NR3C1: variants seen among roughly 807,000 people sequenced by gnomAD.
NR3C1 encodes the protein nuclear receptor subfamily 3 group C member 1, also known as glucocorticoid receptor.
Under a neutral mutation model 74.0 loss-of-function variants are expected in NR3C1, and 14 were observed. That is an observed-to-expected ratio of 0.19 (90% CI 0.12 to 0.30). NR3C1 has a LOEUF of 0.30. NR3C1 is among the 10% of genes least tolerant of loss of function. The pLI, the probability that NR3C1 is intolerant of heterozygous loss-of-function variation, is 1.00. For missense variants in NR3C1, 695 were observed against 909.8 expected (o/e 0.76, Z 3.04); for synonymous variants, 308 against 332.5 (o/e 0.93, Z 0.80).
intron 4 of NR3C1, among the ~76,000 whole-genome samples, chr5:143,304,479 A>G (rs2151575343): frequency 6.6e-6 from 1 of 152,304 alleles, no homozygotes; most frequent in South Asian, 2.1e-4. Flanking sequence ...AAATGGTCAT[A>G]CTACCCAAAG....
intron 1 of NR3C1, among the ~76,000 whole-genome samples, chr5:143,426,495 C>T (rs1048418521): frequency 6.6e-6 from 1 of 152,044 alleles, no homozygotes; most frequent in Non-Finnish European, 1.5e-5. Flanking sequence ...ACGAGTTATG[C>T]CATTAATATT....
intron 2 of NR3C1, among the ~76,000 whole-genome samples, chr5:143,381,549 C>T (rs1291467191): frequency 6.6e-6 from 1 of 152,082 alleles, no homozygotes; most frequent in Non-Finnish European, 1.5e-5. Context: ...AATTATGCTA[C>T]AAAACTATAA....
intron 7 of NR3C1, among the ~76,000 whole-genome samples, chr5:143,286,641 G>C (rs10482697): frequency 6.6e-6 from 1 of 151,928 alleles, no homozygotes; most frequent in Non-Finnish European, 1.5e-5. Flanking sequence ...CTAGGATAGC[G>C]ATAATAAAAA....
At position 143,400,748 on chromosome 5, in the gene NR3C1, T is replaced by C. The variant is rs943559773; in HGVS notation, c.92A>G (p.Lys31Arg). 3 of 1,614,078 alleles carry C rather than the reference T, an allele frequency of 1.9e-6. No individual in the cohort carries two copies. The African/African-American group carries it at 4.0e-5, about 22-fold the overall frequency. Residue 31 changes from lysine to arginine, a missense_variant, in exon 2 of 9, where the codon AAA becomes AGA. Coordinates refer to ENST00000394464, the MANE Select transcript of NR3C1 (RefSeq NM_000176.3). The part of the protein sequence containing the change: ...QERGDVMDFY[K>R]TLRGGATVKV... ...CACAGTAGCTCCTCCTCTTAGGGTT[T>C]TATAGAAGTCCATCACATCTCCCCT...
intron 2 of NR3C1, among the ~76,000 whole-genome samples, chr5:143,356,931 T>G (rs1476398200): frequency 1.3e-5 from 2 of 152,212 alleles, no homozygotes; most frequent in Admixed American, 6.5e-5. Context: ...TAAGTTAGAC[T>G]TCAGTCAATA....
intron 3 of NR3C1, among the ~76,000 whole-genome samples, chr5:143,313,225 T>G (rs1055442042): frequency 2.4e-4 from 36 of 152,348 alleles, no homozygotes; most frequent in Non-Finnish European, 4.6e-4. Flanking sequence ...TTAGGACATT[T>G]TAGACTCTCT....
chr5:143,409,308 C>T (rs185633240), intron 1 of NR3C1: 66 of 152,302 alleles, frequency 4.3e-4, no homozygotes, highest in African/African-American at 1.4e-3. Flanking sequence ...CATATATTTC[C>T]TCTTACATAA....
rs1318976400 is a variant in NR3C1 at position 143,403,395 on chromosome 5, C to G, written c.-198G>C. On this transcript the variant is annotated 5_prime_UTR_variant, in exon 1 of 9. The change abolishes an upstream ATG in the 5' untranslated region. Coordinates refer to ENST00000394464, the MANE Select transcript of NR3C1 (RefSeq NM_000176.3). ...AGAGCCCCTATTTAAGAAAGTCTCCCATTGCCCAGCTGACAAGCCAGCCCT... is the reference window on the plus strand; with the variant it reads ...AGAGCCCCTATTTAAGAAAGTCTCCGATTGCCCAGCTGACAAGCCAGCCCT... The G allele has an allele frequency of 1.0e-6, 1 of 985,370 alleles. No individual in the cohort carries two copies. The highest frequency in any genetic ancestry group is 1.7e-5 in the African/African-American group (1 of 57,242). 61.0% of individuals were successfully genotyped at this position (985,370 alleles called of 1,614,324 possible). A position where few individuals can be genotyped will look rare whatever the true frequency, so the allele number is the denominator to read the frequency against.
intron 2 of NR3C1, among the ~76,000 whole-genome samples, chr5:143,354,969 C>T (rs945437765): frequency 6.7e-6 from 1 of 149,366 alleles, no homozygotes; most frequent in African/African-American, 2.5e-5. Flanking sequence ...GATCACTGGT[C>T]GTAACAGATA....
chr5:143,335,931 C>T (rs1316402739), intron 2 of NR3C1, among the ~76,000 whole-genome samples: 2 of 152,176 alleles, frequency 1.3e-5, no homozygotes, highest in Non-Finnish European at 2.9e-5. Context: ...CTCTCCTTAC[C>T]TGCTCCAGGA....
chr5:143,371,967 T>A (rs1834311342), intron 2 of NR3C1, among the ~76,000 whole-genome samples: 1 of 152,140 alleles, frequency 6.6e-6, no homozygotes, highest in Non-Finnish European at 1.5e-5. Flanking sequence ...CCCCTTATAC[T>A]CAGGAGACCC....
chr5:143,427,259 CATAGTTTTTTA>C (rs1419573619), intron 1 of NR3C1, among the ~76,000 whole-genome samples: 1 of 151,862 alleles, frequency 6.6e-6, no homozygotes, highest in Non-Finnish European at 1.5e-5. Context: ...GAAACGATAG[CATAGTTTTTTA>C]ATAGTGAAAA....
Position 143,400,323 on chromosome 5 carries a change from G to C in NR3C1, c.517C>G (p.Gln173Glu). The change falls in exon 2 of 9, where the codon CAG becomes GAG. Residue 173 changes from glutamine (Q) to glutamate (E), a missense_variant. Physicochemically the swap from Gln to Glu is conservative, Grantham distance 29. Around this residue, in one of 4 missense-constraint regions of NR3C1, gnomAD observed 497 missense variants for 489.5 expected, o/e 1.02. Transcript: ENST00000394464. Reference sequence around the variant, plus strand: ...ACATTGCCACCGTTGGTGCCAGTCTGGCCCTTCAAATGTTGCTGTTCTGAA... The same window carrying C: ...ACATTGCCACCGTTGGTGCCAGTCTCGCCCTTCAAATGTTGCTGTTCTGAA... ...VSSEQQHLKG[Q>E]TGTNGGNVKL... The C allele has an allele frequency of 2.5e-6, 4 of 1,612,912 alleles. No individual in the cohort carries two copies. The highest frequency in any genetic ancestry group is 3.4e-6 in the Non-Finnish European group (4 of 1,179,238).
chr5:143,344,476 G>C (rs773606017), intron 2 of NR3C1, among the ~76,000 whole-genome samples: 2 of 152,120 alleles, frequency 1.3e-5, no homozygotes, highest in Non-Finnish European at 1.5e-5. Flanking sequence ...CTCAGAAAGG[G>C]TTGCTAACTT....
At chr5:143,358,278 T>G (rs10482635) in intron 2 of NR3C1, among the ~76,000 whole-genome samples, 1 of 152,178 alleles carries the variant, frequency 6.6e-6, no homozygotes, top group Admixed American at 6.5e-5. Flanking sequence ...TAAGAGGACA[T>G]GAGAAAGGAA....
chr5:143,409,717 A>G (rs1397163459), intron 1 of NR3C1, among the ~76,000 whole-genome samples: 1 of 152,202 alleles, frequency 6.6e-6, no homozygotes, highest in Non-Finnish European at 1.5e-5. Flanking sequence ...AGACATGCCT[A>G]TTATAAACAA....
chr5:143,342,002 A>C (rs961464711), intron 2 of NR3C1, among the ~76,000 whole-genome samples: 1 of 152,182 alleles, frequency 6.6e-6, no homozygotes, highest in Non-Finnish European at 1.5e-5. Flanking sequence ...ATTGAATCAT[A>C]AGCTGTTCCA....
intron 2 of NR3C1, chr5:143,389,981 T>C (rs1046008578): frequency 1.1e-6 from 1 of 940,406 alleles, no homozygotes; most frequent in Non-Finnish European, 1.3e-6. Flanking sequence ...AGTTTGCTTT[T>C]AGTACAATTC....
intron 2 of NR3C1, among the ~76,000 whole-genome samples, chr5:143,381,317 C>T (rs1317075357): frequency 6.6e-6 from 1 of 151,974 alleles, no homozygotes; most frequent in Non-Finnish European, 1.5e-5. Context: ...AAAGATAGTC[C>T]ATGCTCATGG....
Sources: allele counts gnomAD v4.1 joint callset (sites outside exome capture counted in the v4.1 genomes callset), GRCh38; gene constraint gnomAD v4.1.1; regional missense constraint gnomAD v4.1.1; transcripts MANE v1.5; gene names NCBI Gene and HGNC (gene_info 2026-07-23, HGNC 2026-07-21).